Variants in CDC42 observed in about 807,000 individuals in gnomAD.
CDC42 encodes cell division control protein 42 homolog.
CDC42 carries 1 observed loss-of-function variant against 20.8 expected under a neutral mutation model. That is an observed-to-expected ratio of 0.05 (90% CI 0.02 to 0.23). The LOEUF (loss-of-function observed/expected upper bound fraction) is 0.23, where lower values mean the gene tolerates loss of function less well. CDC42 is among the 10% of genes least tolerant of loss of function. CDC42 has a pLI of 1.00. For missense variants in CDC42, 49 were observed against 227.9 expected, an observed-to-expected ratio of 0.21 and a Z score of 5.05; for synonymous variants, 72 against 84.8, an observed-to-expected ratio of 0.85 and a Z score of 0.83.
chr1:22,065,022 A>C (rs1171050839), intron 1 of CDC42, among the ~76,000 whole-genome samples: 1 of 152,218 alleles, frequency 6.6e-6, no homozygotes, highest in East Asian at 1.9e-4. Context: ...TGATAGTAAG[A>C]GTTCATAGTT....
intron 1 of CDC42, among the ~76,000 whole-genome samples, chr1:22,065,822 C>T (rs1432709127): frequency 3.3e-5 from 5 of 152,060 alleles, no homozygotes; most frequent in Admixed American, 3.3e-4. Context: ...AGTGCAGTGG[C>T]ATGATCTCAG....
rs1418048757 is a variant in CDC42, at chr1:22,100,098, CACCTTAGTGAAT to C, written c.*8585_*8596del. Among the ~76,000 whole-genome samples the C allele has an allele frequency of 1.4e-5, 2 of 145,742 alleles. No individual in the cohort carries two copies. Among genetic ancestry groups the C allele is most frequent in the African/African-American group, 5.1e-5 (2 of 39,092 alleles). ...CAGGGTTTGTTTGGTGAGAAAGTTG[CACCTTAGTGAAT>C]ACCCAAGGTCTGAGGGAGGCTTGGA... On this transcript the variant is annotated 3_prime_UTR_variant, in exon 6 of 6. Transcript: ENST00000656825.
rs900709463 is a variant in CDC42, at chr1:22,095,309, G to A, written c.*3792G>A. Among the ~76,000 whole-genome samples, 3 of 151,696 alleles carry A rather than the reference G, an allele frequency of 2.0e-5. No individual in the cohort carries two copies. The highest frequency in any genetic ancestry group is 4.4e-5 in the Non-Finnish European group (3 of 67,964). On this transcript the variant is annotated 3_prime_UTR_variant, in exon 6 of 6. Transcript: ENST00000656825. ...TTTTGAGATGGAGTCTCGTTCTGTC[G>A]CCCAGGCTGGAGTGCAGTGGTGCAA...
rs1645785509 is a variant in CDC42 at position 22,100,975 on chromosome 1, A to G, written c.*9458A>G. 2 of 152,154 alleles carry G rather than the reference A, an allele frequency of 1.3e-5. No homozygotes were observed. The highest frequency in any genetic ancestry group is 1.3e-4 in the Admixed American group (2 of 15,278). The allele number at this position is 152,154 out of a possible 1,614,324, so 9.4% of individuals were successfully genotyped here. A position where few individuals can be genotyped will look rare whatever the true frequency, so the allele number is the denominator to read the frequency against. The stretch of plus-strand genomic sequence containing the variant: ...CTTGAGGATTTCACAATTGTATTGG[A>G]ATTATTGGTGTTAAGGAGTTAGGTC... On this transcript the variant is annotated 3_prime_UTR_variant, in exon 6 of 6. Transcript: ENST00000656825.
At position 22,090,450 on chromosome 1, in the gene CDC42, T is replaced by G. The variant is rs887106692; in HGVS notation, c.487-978T>G. The G allele has an allele frequency of 5.0e-6, 5 of 995,004 alleles. No homozygotes were observed. The Admixed American group carries it at 1.7e-4, about 34-fold the overall frequency. The allele number at this position is 995,004 out of a possible 1,614,324, so 61.6% of individuals were successfully genotyped here. On this transcript the variant is annotated intron_variant, in intron 5 of 5. Transcript: ENST00000656825. ...GTTAATTGTAATTGCATGACAAACC[T>G]TATGGAAAAGGGGTGACCTAGTAGA...
At chr1:22,084,821 A>G (rs978347910) in intron 3 of CDC42, among the ~76,000 whole-genome samples, 6 of 152,112 alleles carry the variant, frequency 3.9e-5, no homozygotes, top group African/African-American at 1.4e-4. Context: ...TAATTTTAGT[A>G]TATAGTATTA....
chr1:22,075,725 T>G (rs1391524908), intron 1 of CDC42, among the ~76,000 whole-genome samples: 2 of 152,162 alleles, frequency 1.3e-5, no homozygotes, highest in African/African-American at 4.8e-5. Flanking sequence ...GGTAGTACTG[T>G]TTTCATTTTT....
rs952651384 is a variant in CDC42 at position 22,092,805 on chromosome 1, A to T, written c.*1288A>T. 4 of 152,650 alleles carry T rather than the reference A, an allele frequency of 2.6e-5. No homozygotes were observed. Among genetic ancestry groups the T allele is most frequent in the African/African-American group, 7.2e-5 (3 of 41,460 alleles). The allele number at this position is 152,650 out of a possible 1,614,324, so 9.5% of individuals were successfully genotyped here. ...ATTTTGGTTGCAGTTTCCAATTTTT[A>T]AAAATGTTGAGGTAATCTTTCCCAC... is the stretch of plus-strand genomic sequence containing the variant. On this transcript the variant is annotated 3_prime_UTR_variant, in exon 6 of 6. Transcript: ENST00000656825.
In CDC42 at chr1:22,061,371, G is replaced by T. The variant is rs546075354; in HGVS notation, c.-51+8629G>T. On this transcript the variant is annotated intron_variant, in intron 1 of 5. Coordinates refer to ENST00000656825, the MANE Select transcript of CDC42 (RefSeq NM_001791.4). The stretch of plus-strand genomic sequence containing the variant: ...TTCAGTGAGCCGAGATTGCACCACT[G>T]CACTTCAGTCTGAGTAACAAGAGCA... Among the ~76,000 whole-genome samples, 3 of 146,954 alleles carry T rather than the reference G, an allele frequency of 2.0e-5. No homozygotes were observed. In the South Asian group the frequency reaches 6.4e-4, roughly 31 times the overall value.
chr1:22,091,564 T>C lies in CDC42; in HGVS notation c.*47T>C. 2.4e-6 allele frequency: 3 copies of C among 1,274,994 alleles called. No homozygotes were observed. Among genetic ancestry groups the C allele is most frequent in the Non-Finnish European group, 3.4e-6 (3 of 890,364 alleles). The allele number at this position is 1,274,994 out of a possible 1,614,324, so 79.0% of individuals were successfully genotyped here. A position where few individuals can be genotyped will look rare whatever the true frequency, so the allele number is the denominator to read the frequency against. ...TGCACAGCTGGTGTCGGCATCATAC[T>C]AAAAGCAATGTTTAAATCAAACTAA... is the stretch of plus-strand genomic sequence containing the variant. On this transcript the variant is annotated 3_prime_UTR_variant, in exon 6 of 6. Transcript: ENST00000656825.
intron 3 of CDC42, among the ~76,000 whole-genome samples, chr1:22,085,760 CCT>C (rs1477483372): frequency 6.6e-6 from 1 of 152,044 alleles, no homozygotes; most frequent in African/African-American, 2.4e-5. Context: ...AATATGTGAA[CCT>C]CTGTTTGTAG....
rs1645787771 is a variant in CDC42 at position 22,101,360 on chromosome 1, C to T, written c.*9843C>T. 6.6e-6 allele frequency: 1 copy of T among 152,074 alleles called. No homozygotes were observed. Among genetic ancestry groups the T allele is most frequent in the African/African-American group, 2.4e-5 (1 of 41,394 alleles). The allele number at this position is 152,074 out of a possible 1,614,324, so 9.4% of individuals were successfully genotyped here. On this transcript the variant is annotated 3_prime_UTR_variant, in exon 6 of 6. Transcript: ENST00000656825. The stretch of plus-strand genomic sequence containing the variant: ...CATCTCAATAAAATGAGTTTCTGTT[C>T]CTTTTTGGTTTGTGTCTTTTTTTCA...
At chr1:22,078,357 A>G (rs1645573494) in intron 1 of CDC42, 72 bp from the exon 2 acceptor site, 2 of 657,562 alleles carry the variant, frequency 3.0e-6, no homozygotes, top group South Asian at 4.3e-5. Flanking sequence ...GAGTGCCTGA[A>G]CCTGTTGCTA....
At chr1:22,084,992 G>T (rs1035108407) in intron 3 of CDC42, among the ~76,000 whole-genome samples, 4 of 152,052 alleles carry the variant, frequency 2.6e-5, no homozygotes, top group African/African-American at 9.7e-5. Context: ...AGCACTTTGG[G>T]AGGCTGAGGT....
chr1:22,074,650 G>C (rs1287901727), intron 1 of CDC42, among the ~76,000 whole-genome samples: 7 of 152,120 alleles, frequency 4.6e-5, no homozygotes, highest in Non-Finnish European at 1.5e-5. Flanking sequence ...GAACTCCTCA[G>C]CTCTAGTGAT....
In CDC42 at chr1:22,099,324, C is replaced by G. The variant is rs1050979841; in HGVS notation, c.*7807C>G. 6.6e-6 allele frequency among the ~76,000 whole-genome samples: 1 copy of G among 152,216 alleles called. No homozygotes were observed. Among genetic ancestry groups the G allele is most frequent in the East Asian group, 1.9e-4 (1 of 5,198 alleles). ...TGTTAATTGAGCTCTTACTGTGTGC[C>G]TTTGCACTGTGTTAAGCACATGGTG... On this transcript the variant is annotated 3_prime_UTR_variant, in exon 6 of 6. Coordinates refer to ENST00000656825, the MANE Select transcript of CDC42 (RefSeq NM_001791.4).
At chr1:22,062,324 CAAAG>C (rs2152827175) in intron 1 of CDC42, among the ~76,000 whole-genome samples, 1 of 152,318 alleles carries the variant, frequency 6.6e-6, no homozygotes, top group East Asian at 1.9e-4. Context: ...TCAGCTAGAA[CAAAG>C]AAAGTCTAAA....
intron 2 of CDC42, 110 bp downstream of exon 2, chr1:22,078,693 C>T: frequency 5.9e-6 from 9 of 1,513,958 alleles, no homozygotes; most frequent in Non-Finnish European, 8.0e-6. Context: ...GCCTTTGTTT[C>T]CTGTTTTTAA....
Position 22,092,673 on chromosome 1 carries a change from A to G in CDC42, c.*1156A>G, listed in dbSNP as rs1645729653. The G allele has an allele frequency of 1.3e-5, 2 of 152,618 alleles. No individual in the cohort carries two copies. The highest frequency in any genetic ancestry group is 1.3e-4 in the Admixed American group (2 of 15,278). 9.5% of individuals were successfully genotyped at this position (152,618 alleles called of 1,614,324 possible). ...GAATCCCCTTATTTCTGTTTTGCAT[A>G]TGAGGAACCCTAGAGCAGCCAGGTG... On this transcript the variant is annotated 3_prime_UTR_variant, in exon 6 of 6. Transcript: ENST00000656825.
Sources: gnomAD v4.1 joint callset for allele counts (sites outside exome capture counted in the v4.1 genomes callset) on GRCh38, gnomAD v4.1.1 for gene constraint, MANE v1.5 for transcripts, NCBI Gene and HGNC (gene_info 2026-07-23, HGNC 2026-07-21) for gene names.